The following PPP3CA variants were observed in gnomAD, a reference collection of about 807,000 sequenced individuals.
The protein encoded by PPP3CA is protein phosphatase 3 catalytic subunit alpha.
In PPP3CA, 14 loss-of-function variants were observed where a neutral mutation model predicts 66.5. That is an observed-to-expected ratio of 0.21 (90% CI 0.14 to 0.33). The LOEUF (loss-of-function observed/expected upper bound fraction) is 0.33, where lower values mean the gene tolerates loss of function less well. PPP3CA is among the 10% of genes least tolerant of loss of function. PPP3CA has a pLI of 1.00. For missense variants in PPP3CA, 317 were observed against 639.5 expected, an observed-to-expected ratio of 0.50 and a Z score of 5.44; for synonymous variants, 232 against 226.2, an observed-to-expected ratio of 1.03 and a Z score of -0.23.
chr4:101,193,855 T>C (rs1303876757), intron 2 of PPP3CA, among the ~76,000 whole-genome samples: 1 of 152,224 alleles, frequency 6.6e-6, no homozygotes, highest in East Asian at 1.9e-4. Context: ...TTCCTCAGTT[T>C]TTCTTAAATG....
rs190152756 is a variant in PPP3CA, at chr4:101,320,211, A to C, written c.58+26528T>G. Among the ~76,000 whole-genome samples, 456 of 151,790 alleles carry C rather than the reference A, an allele frequency of 3.0e-3. 5 individuals are homozygous for C. Among genetic ancestry groups the C allele is most frequent in the African/African-American group, 0.01 (433 of 41,398 alleles). On this transcript the variant is annotated intron_variant, in intron 1 of 13. Transcript: ENST00000394854. ...CTGTAGTGAATTTTTTTTTTATTTCAAGAAGTAGCCTATTCAAAACTGTGA... is the reference window on the plus strand; with the variant it reads ...CTGTAGTGAATTTTTTTTTTATTTCCAGAAGTAGCCTATTCAAAACTGTGA...
chr4:101,326,560 T>C (rs1478516758), intron 1 of PPP3CA, among the ~76,000 whole-genome samples: 1 of 152,230 alleles, frequency 6.6e-6, no homozygotes, highest in African/African-American at 2.4e-5. Context: ...GCCATCTTCT[T>C]GCCATTTCAG....
intron 2 of PPP3CA, among the ~76,000 whole-genome samples, chr4:101,182,274 G>C (rs1487549683): frequency 6.6e-6 from 1 of 152,058 alleles, no homozygotes; most frequent in Non-Finnish European, 1.5e-5. Context: ...TTTCCCTCAA[G>C]GAATTTTCAG....
intron 1 of PPP3CA, among the ~76,000 whole-genome samples, chr4:101,310,237 C>T (rs1385805096): frequency 2.0e-5 from 3 of 152,052 alleles, no homozygotes; most frequent in Non-Finnish European, 4.4e-5. Context: ...CGAAATACCA[C>T]GAATTCTCAG....
At chr4:101,302,510 T>A (rs1728410516) in intron 1 of PPP3CA, among the ~76,000 whole-genome samples, 1 of 152,164 alleles carries the variant, frequency 6.6e-6, no homozygotes, top group South Asian at 2.1e-4. Context: ...TGACATGACA[T>A]CTCTAAGGCT....
In PPP3CA at chr4:101,093,887, T is replaced by C. The variant is rs1730072425; in HGVS notation, c.671A>G (p.Tyr224Cys). The change falls in exon 6 of 14, where the codon TAT becomes TGT. Residue 224 changes from tyrosine to cysteine, a missense_variant. Tyr to Cys is a radical substitution (Grantham distance 194). This residue lies in a region of PPP3CA where 201 missense variants were observed against 501.4 expected (regional missense o/e 0.40). Coordinates refer to ENST00000394854, the MANE Select transcript of PPP3CA (RefSeq NM_000944.5). ...CCACAGGATATCACACATAGGTCCA[T>C]ATGCAGGTGGTTCTTTGAATCGGTC... ...KLDRFKEPPA[Y>C]GPMCDILWSD... is the part of the protein sequence containing the mutation. 1.2e-6 allele frequency: 2 copies of C among 1,609,144 alleles called. No homozygotes were observed. Among genetic ancestry groups the C allele is most frequent in the East Asian group, 2.2e-5 (1 of 44,810 alleles).
intron 1 of PPP3CA, among the ~76,000 whole-genome samples, chr4:101,334,329 T>G (rs1578200479): frequency 6.6e-6 from 1 of 152,142 alleles, no homozygotes; most frequent in African/African-American, 2.4e-5. Flanking sequence ...GAAATGATTT[T>G]TTGCCATGTT....
chr4:101,322,236 T>C (rs6812087), intron 1 of PPP3CA, among the ~76,000 whole-genome samples: 2 of 152,070 alleles, frequency 1.3e-5, no homozygotes, highest in Non-Finnish European at 2.9e-5. Context: ...CTCCACAAAA[T>C]TCATATGGTG....
chr4:101,259,234 T>G (rs979883778), intron 1 of PPP3CA, among the ~76,000 whole-genome samples: 8 of 152,140 alleles, frequency 5.3e-5, no homozygotes, highest in African/African-American at 1.9e-4. Context: ...TGATAACTAG[T>G]CAGAACATGG....
chr4:101,169,670 A>G (rs1342216103), intron 2 of PPP3CA, among the ~76,000 whole-genome samples: 1 of 152,178 alleles, frequency 6.6e-6, no homozygotes, highest in African/African-American at 2.4e-5. Context: ...TGTTTTCAGC[A>G]TCTGATTATA....
chr4:101,346,745 C>A lies in PPP3CA; in HGVS notation c.52G>T (p.Val18Leu), dbSNP rs1219287075. The change falls in exon 1 of 14, where the codon GTG becomes TTG. Residue 18 changes from valine to leucine, a missense_variant. Physicochemically the swap from Val to Leu is conservative, Grantham distance 32 (BLOSUM62 1). Around this residue, in one of 3 missense-constraint regions of PPP3CA, gnomAD observed 76 missense variants for 99.5 expected, o/e 0.76. Coordinates refer to ENST00000394854, the MANE Select transcript of PPP3CA (RefSeq NM_000944.5). Reference protein sequence around the residue: ...DPKLSTTDRVVKAVPFPPSHR... With the variant: ...DPKLSTTDRVLKAVPFPPSHR... The stretch of plus-strand genomic sequence containing the variant: ...ACCGCGGCGCTCCGCTTACCTTTCA[C>A]CACCCTGTCGGTCGTCGACAACTTG... 2.5e-6 allele frequency: 4 copies of A among 1,611,484 alleles called. No homozygotes were observed. The highest frequency in any genetic ancestry group is 3.4e-6 in the Non-Finnish European group (4 of 1,179,130).
At chr4:101,174,895 C>T (rs1724008091) in intron 2 of PPP3CA, among the ~76,000 whole-genome samples, 2 of 152,080 alleles carry the variant, frequency 1.3e-5, no homozygotes, top group Non-Finnish European at 2.9e-5. Flanking sequence ...ACACAGTATA[C>T]GTAACTTGAA....
chr4:101,031,541 TAAAAG>T (rs911583884), intron 12 of PPP3CA, among the ~76,000 whole-genome samples: 3 of 152,128 alleles, frequency 2.0e-5, no homozygotes, highest in Admixed American at 2.0e-4. Flanking sequence ...ATAAATTAGA[TAAAAG>T]AAAACGTTTA....
chr4:101,262,616 G>C (rs1052515671), intron 1 of PPP3CA, among the ~76,000 whole-genome samples: 3 of 152,062 alleles, frequency 2.0e-5, no homozygotes, highest in Non-Finnish European at 4.4e-5. Context: ...AGGTAAGTAA[G>C]GTGCTCAAAC....
At chr4:101,313,907 T>G (rs182284120) in intron 1 of PPP3CA, among the ~76,000 whole-genome samples, 1 of 152,230 alleles carries the variant, frequency 6.6e-6, no homozygotes, top group African/African-American at 2.4e-5. Context: ...AGCTGATTAG[T>G]GAACATATAA....
At chr4:101,199,162 T>A (rs542701488) in intron 1 of PPP3CA, among the ~76,000 whole-genome samples, 15 of 152,338 alleles carry the variant, frequency 9.8e-5, no homozygotes, top group African/African-American at 2.6e-4. Flanking sequence ...AAAGGTCACA[T>A]TTATTTGCTT....
chr4:101,062,095 C>A (rs1728488186), intron 9 of PPP3CA, among the ~76,000 whole-genome samples: 1 of 151,772 alleles, frequency 6.6e-6, no homozygotes, highest in Admixed American at 6.6e-5. Flanking sequence ...AATAAATGTC[C>A]CAAATTTTAA....
chr4:101,273,069 G>A (rs1456462388), intron 1 of PPP3CA, among the ~76,000 whole-genome samples: 1 of 152,086 alleles, frequency 6.6e-6, no homozygotes, highest in Non-Finnish European at 1.5e-5. Context: ...TGAGTTCAAA[G>A]GACAAGAATT....
At chr4:101,247,553 T>G (rs1299445866) in intron 1 of PPP3CA, among the ~76,000 whole-genome samples, 1 of 152,194 alleles carries the variant, frequency 6.6e-6, no homozygotes, top group Non-Finnish European at 1.5e-5. Flanking sequence ...AAACACAGTA[T>G]GAGCATCATT....
Sources: gnomAD v4.1 joint callset for allele counts (sites outside exome capture counted in the v4.1 genomes callset) on GRCh38, gnomAD v4.1.1 for gene constraint, gnomAD v4.1.1 regional missense constraint, MANE v1.5 for transcripts, NCBI Gene and HGNC (gene_info 2026-07-23, HGNC 2026-07-21) for gene names.